PKHD1L1: variants seen among roughly 807,000 people sequenced by gnomAD.
The protein encoded by PKHD1L1 is PKHD1 like 1.
In PKHD1L1, 434 loss-of-function variants were observed where a neutral mutation model predicts 462.9. The ratio of observed to expected loss-of-function variants is 0.94; its 90% CI spans 0.87 to 1.02. The LOEUF (loss-of-function observed/expected upper bound fraction) is 1.02, where lower values mean the gene tolerates loss of function less well. Among genes scored for constraint, PKHD1L1 ranks in the 50% least tolerant of loss-of-function variants. PKHD1L1 has a pLI of 0.00. For missense variants in PKHD1L1, 5,202 were observed against 5,096.1 expected (o/e 1.02, Z -0.63); for synonymous variants, 1,781 against 1,750.0 (o/e 1.02, Z -0.44).
chr8:109,433,889 A>G (rs1815247423), intron 28 of PKHD1L1, among the ~76,000 whole-genome samples: 1 of 152,192 alleles, frequency 6.6e-6, no homozygotes, highest in Non-Finnish European at 1.5e-5. Flanking sequence ...TTCTAAAGAA[A>G]AAGAAAATGT....
intron 23 of PKHD1L1, 108 bp downstream of exon 23, chr8:109,420,798 A>C (rs773385255): frequency 1.2e-6 from 1 of 852,070 alleles, no homozygotes; most frequent in Non-Finnish European, 1.7e-6. Flanking sequence ...ACAGCTAACT[A>C]TTCTAAGGTT....
At chr8:109,372,805 G>A (rs1811583691) in intron 2 of PKHD1L1, among the ~76,000 whole-genome samples, 1 of 152,054 alleles carries the variant, frequency 6.6e-6, no homozygotes, top group Non-Finnish European at 1.5e-5. Context: ...GCTGGATTAT[G>A]TTTATTGATT....
chr8:109,452,785 C>A lies in PKHD1L1; in HGVS notation c.6575C>A (p.Pro2192Gln). The change falls in exon 43 of 78, where the codon CCA (proline) becomes CAA (glutamine). Residue 2192 changes from proline to glutamine, a missense_variant. By Grantham distance (76) the Pro-to-Gln change is moderately conservative (BLOSUM62 -1). Transcript: ENST00000378402. ...TTCTCATGGGGGGGAAAATCTCCCC[C>A]AGAAGAAGGATCTCTTGTTGTTATT... ...SNFSWGGKSP[P>Q]EEGSLVVITK... 1 of 1,531,770 alleles carries A rather than the reference C, an allele frequency of 6.5e-7. No homozygotes were observed. The highest frequency in any genetic ancestry group is 2.5e-5 in the East Asian group (1 of 40,468). The allele number at this position is 1,531,770 out of a possible 1,614,324, so 94.9% of individuals were successfully genotyped here. A position where few individuals can be genotyped will look rare whatever the true frequency, so the allele number is the denominator to read the frequency against.
At chr8:109,501,457 T>C (rs1369884522) in intron 67 of PKHD1L1, among the ~76,000 whole-genome samples, 1 of 152,332 alleles carries the variant, frequency 6.6e-6, no homozygotes, top group African/African-American at 2.4e-5. Context: ...CAGGAATACA[T>C]GTCAGTACTA....
In PKHD1L1 at chr8:109,534,124, G is replaced by A. The variant is rs17377636; in HGVS notation, c.*4034G>A. On this transcript the variant is annotated 3_prime_UTR_variant, in exon 78 of 78. Coordinates refer to ENST00000378402, the MANE Select transcript of PKHD1L1 (RefSeq NM_177531.6). Reference sequence around the variant, plus strand: ...CAATGCCAAGGTTAAAATACCACATGCATCTTTGAGTTACTACTATACCCT... The same window carrying A: ...CAATGCCAAGGTTAAAATACCACATACATCTTTGAGTTACTACTATACCCT... Among the ~76,000 whole-genome samples the A allele has an allele frequency of 0.58, 88,731 of 152,110 alleles. 26,213 individuals are homozygous for A. Among genetic ancestry groups the A allele is most frequent in the Middle Eastern group, 0.69 (201 of 290 alleles).
intron 73 of PKHD1L1, among the ~76,000 whole-genome samples, chr8:109,521,418 T>C (rs1820546066): frequency 6.6e-6 from 1 of 152,202 alleles, no homozygotes; most frequent in Non-Finnish European, 1.5e-5. Context: ...AAAAGTGGTT[T>C]TAGTAACCCT....
Position 109,404,647 on chromosome 8 carries a change from A to C in PKHD1L1, c.1467A>C (p.Gln489His). The change falls in exon 15 of 78, where the codon CAA becomes CAC. Residue 489 changes from glutamine to histidine, a missense_variant. Around this residue, in one of 3 missense-constraint regions of PKHD1L1, gnomAD observed 4,497 missense variants for 4,336.8 expected, o/e 1.04. Coordinates refer to ENST00000378402, the MANE Select transcript of PKHD1L1 (RefSeq NM_177531.6). Reference protein sequence around the residue: ...YQYRNVYTEQQTGDAVNEEQV... With the variant: ...YQYRNVYTEQHTGDAVNEEQV... ...ATCGAAATGTTTATACTGAACAACA[A>C]ACAGGAGATGCAGTGAATGAAGAAC... 6.2e-7 allele frequency: 1 copy of C among 1,608,722 alleles called. No homozygotes were observed. Among genetic ancestry groups the C allele is most frequent in the East Asian group, 2.2e-5 (1 of 44,598 alleles).
intron 46 of PKHD1L1, among the ~76,000 whole-genome samples, chr8:109,457,770 G>T (rs1363289812): frequency 6.6e-6 from 1 of 152,154 alleles, no homozygotes. Flanking sequence ...AGGAAGGAAA[G>T]ATGTGTTTAG....
At chr8:109,492,094 A>T in intron 62 of PKHD1L1, 100 bp downstream of exon 62, 1 of 993,890 alleles carries the variant, frequency 1.0e-6, no homozygotes, top group South Asian at 3.2e-5. Flanking sequence ...ATGCACTTTT[A>T]AAAAGATGAT....
At chr8:109,462,420 C>T (rs570353062) in intron 48 of PKHD1L1, among the ~76,000 whole-genome samples, 32 of 152,176 alleles carry the variant, frequency 2.1e-4, no homozygotes, top group African/African-American at 6.7e-4. Context: ...CCAGAGATAC[C>T]GTCTGATTTA....
intron 41 of PKHD1L1, 59 bp from the exon 42 acceptor site, chr8:109,452,065 C>T: frequency 6.8e-7 from 1 of 1,474,844 alleles, no homozygotes; most frequent in Non-Finnish European, 9.2e-7. Flanking sequence ...AAGGGTTTGA[C>T]AGTGTGATCT....
chr8:109,404,916 C>T (rs1813453760), intron 15 of PKHD1L1, 79 bp from the exon 16 acceptor site: 6 of 1,122,884 alleles, frequency 5.3e-6, no homozygotes, highest in Middle Eastern at 2.6e-4. Flanking sequence ...AATAAAGTGG[C>T]ATTGAATAGC....
chr8:109,465,016 G>A lies in PKHD1L1; in HGVS notation c.8184G>A (p.Leu2728=). 2 of 1,613,788 alleles carry A rather than the reference G, an allele frequency of 1.2e-6. No homozygotes were observed. Among genetic ancestry groups the A allele is most frequent in the South Asian group, 2.2e-5 (2 of 91,080 alleles). The change falls in exon 49 of 78, where the codon CTG becomes CTA. Residue 2728 remains leucine (L), a synonymous_variant. Transcript: ENST00000378402. ...CTGCATTTTGCACAGCAAAAGGCCT[G>A]GTTCTCCCATTTAGTGAAGGCTTGA... ...MGSAFCTAKG[L]VLPFSEGLTV...
chr8:109,513,288 A>T (rs367667019), intron 71 of PKHD1L1, among the ~76,000 whole-genome samples: 2 of 152,100 alleles, frequency 1.3e-5, no homozygotes, highest in East Asian at 1.9e-4. Flanking sequence ...TTTCAAAGGG[A>T]ATGCTTCCAG....
At chr8:109,406,196 T>C (rs1813526053) in intron 16 of PKHD1L1, 139 bp from the exon 17 acceptor site, 1 of 698,710 alleles carries the variant, frequency 1.4e-6, no homozygotes, top group Non-Finnish European at 2.1e-6. Context: ...AAAATACAAT[T>C]TCTCTAAGTG....
rs778990923 is a variant in PKHD1L1 at position 109,483,089 on chromosome 8, A to T, written c.9560A>T (p.Asp3187Val). The change falls in exon 57 of 78, where the codon GAT (aspartate) becomes GTT (valine). Residue 3187 changes from aspartate (D) to valine (V), a missense_variant. By Grantham distance (152) the Asp-to-Val change is radical. Coordinates refer to ENST00000378402, the MANE Select transcript of PKHD1L1 (RefSeq NM_177531.6). ...FAGSKVLSLM[D>V]AVDWQEGEEI... is the part of the protein sequence containing the mutation. Reference sequence around the variant, plus strand: ...GGTTCCAAAGTCCTGTCTCTGATGGATGCTGTGGATTGGCAGGTAGACAAA... The same window carrying T: ...GGTTCCAAAGTCCTGTCTCTGATGGTTGCTGTGGATTGGCAGGTAGACAAA... The T allele has an allele frequency of 6.3e-7, 1 of 1,585,724 alleles. No individual in the cohort carries two copies. The highest frequency in any genetic ancestry group is 8.6e-7 in the Non-Finnish European group (1 of 1,166,042).
At position 109,425,376 on chromosome 8, in the gene PKHD1L1, T is replaced by C. The variant is rs559016769; in HGVS notation, c.2845+144T>C. On this transcript the variant is annotated intron_variant, in intron 24 of 77. Coordinates refer to ENST00000378402, the MANE Select transcript of PKHD1L1 (RefSeq NM_177531.6). ...ATTATTTATTTGATATATAAGTAAA[T>C]ATGTGATATATTAAAGTCACACATG... The C allele has an allele frequency of 2.6e-4, 127 of 487,364 alleles. 1 individual carries two copies. Among genetic ancestry groups the C allele is most frequent in the Non-Finnish European group, 9.0e-5 (28 of 311,470 alleles). 30.2% of individuals were successfully genotyped at this position (487,364 alleles called of 1,614,324 possible). A position where few individuals can be genotyped will look rare whatever the true frequency, so the allele number is the denominator to read the frequency against.
chr8:109,419,275 T>C lies in PKHD1L1; in HGVS notation c.2524+15T>C. 2 of 1,559,186 alleles carry C rather than the reference T, an allele frequency of 1.3e-6. No homozygotes were observed. Among genetic ancestry groups the C allele is most frequent in the Non-Finnish European group, 1.7e-6 (2 of 1,147,388 alleles). On this transcript the variant is annotated intron_variant, in intron 22 of 77. Coordinates refer to ENST00000378402, the MANE Select transcript of PKHD1L1 (RefSeq NM_177531.6). ...AACATTGGATGGTATGTTGTATCAT[T>C]TTATCTCTGCTTTAATCTAAATATA...
intron 34 of PKHD1L1, among the ~76,000 whole-genome samples, chr8:109,441,691 A>G (rs1815802044): frequency 6.6e-6 from 1 of 152,122 alleles, no homozygotes; most frequent in Non-Finnish European, 1.5e-5. Flanking sequence ...TCCAATTAAA[A>G]TTGATCATAG....
Sources: allele counts gnomAD v4.1 joint callset (sites outside exome capture counted in the v4.1 genomes callset), GRCh38; gene constraint gnomAD v4.1.1; regional missense constraint gnomAD v4.1.1; transcripts MANE v1.5; gene names NCBI Gene and HGNC (gene_info 2026-07-23, HGNC 2026-07-21).